The following CACNA1C variants were observed in gnomAD, a reference collection of about 807,000 sequenced individuals.
CACNA1C encodes calcium voltage-gated channel subunit alpha1 C, also known as voltage-dependent L-type calcium channel subunit alpha-1C.
Under a neutral mutation model 229.0 loss-of-function variants are expected in CACNA1C, and 30 were observed. That is an observed-to-expected ratio of 0.13 (90% CI 0.10 to 0.18). CACNA1C has a LOEUF of 0.18. CACNA1C is among the 10% of genes least tolerant of loss of function. CACNA1C has a pLI of 1.00. For synonymous variants in CACNA1C, 1,114 were observed against 1,132.5 expected, an observed-to-expected ratio of 0.98 and a Z score of 0.33; for missense variants, 1,658 against 2,845.0, an observed-to-expected ratio of 0.58 and a Z score of 9.49.
At chr12:2,396,760 A>C (rs986962199) in intron 3 of CACNA1C, among the ~76,000 whole-genome samples, 1 of 152,258 alleles carries the variant, frequency 6.6e-6, no homozygotes, top group African/African-American at 2.4e-5. Flanking sequence ...TTAATGTTTC[A>C]TTAGCGGTTT....
At chr12:2,477,537 C>T (rs2099636274) in intron 5 of CACNA1C, among the ~76,000 whole-genome samples, 2 of 152,202 alleles carry the variant, frequency 1.3e-5, no homozygotes, top group Non-Finnish European at 1.5e-5. Context: ...TGCTCTCTGG[C>T]TGGGGAGTCG....
chr12:2,460,150 C>T (rs1284849188), intron 5 of CACNA1C, among the ~76,000 whole-genome samples: 1 of 152,232 alleles, frequency 6.6e-6, no homozygotes, highest in Non-Finnish European at 1.5e-5. Flanking sequence ...CCCTCACCTT[C>T]GGTGGTAGGC....
intron 3 of CACNA1C, among the ~76,000 whole-genome samples, chr12:2,260,550 A>C (rs1444851724): frequency 6.6e-6 from 1 of 151,474 alleles, no homozygotes; most frequent in Non-Finnish European, 1.5e-5. Flanking sequence ...AAAGGAGAGG[A>C]GCACAGATTG....
Position 2,585,353 on chromosome 12 carries a change from T to C in CACNA1C, c.2340-23T>C, listed in dbSNP as rs1488434344. ...TCACTCCAGTAAACAGCCATTTATT[T>C]TTTTCTGCTGCTGACTGGCCAGGAC... is the stretch of plus-strand genomic sequence containing the variant. On this transcript the variant is annotated intron_variant, in intron 16 of 46. Coordinates refer to ENST00000399655, the MANE Select transcript of CACNA1C (RefSeq NM_000719.7). This position sits in a 1 kb window ranked among gnomAD's most constrained non-coding sequence, Gnocchi z 4.1. 6.2e-7 allele frequency: 1 copy of C among 1,607,052 alleles called. No individual in the cohort carries two copies.
chr12:2,412,623 G>A (rs1264462911), intron 3 of CACNA1C, among the ~76,000 whole-genome samples: 3 of 152,158 alleles, frequency 2.0e-5, no homozygotes, highest in South Asian at 2.1e-4. Context: ...AGTCACCTCC[G>A]CTTCATAGTA....
intron 3 of CACNA1C, among the ~76,000 whole-genome samples, chr12:2,154,450 T>C (rs2095448294): frequency 6.6e-6 from 1 of 152,192 alleles, no homozygotes; most frequent in Non-Finnish European, 1.5e-5. Context: ...GCCAGCTGTG[T>C]CCAGCAGCCT....
At chr12:2,068,848 G>A (rs1027294860) in intron 1 of CACNA1C, among the ~76,000 whole-genome samples, 3 of 152,198 alleles carry the variant, frequency 2.0e-5, no homozygotes, top group African/African-American at 7.2e-5. Flanking sequence ...CTGGGTCTGG[G>A]CAACAAAAGG....
intron 3 of CACNA1C, among the ~76,000 whole-genome samples, chr12:2,265,167 T>C (rs2081881064): frequency 6.6e-6 from 1 of 152,156 alleles, no homozygotes; most frequent in African/African-American, 2.4e-5. Context: ...CTTGGCCTGC[T>C]GGGGGTGGAT....
intron 3 of CACNA1C, among the ~76,000 whole-genome samples, chr12:2,138,086 A>G (rs1219516635): frequency 6.6e-6 from 1 of 151,464 alleles, no homozygotes; most frequent in African/African-American, 2.4e-5. Context: ...AATGCATAGC[A>G]GAAATAGTGG....
intron 3 of CACNA1C, among the ~76,000 whole-genome samples, chr12:2,279,956 A>G (rs1156743412): frequency 1.3e-5 from 2 of 152,182 alleles, no homozygotes; most frequent in African/African-American, 2.4e-5. Flanking sequence ...AATCCCCTAC[A>G]GTTACTGAGG....
chr12:2,124,420 G>C (rs1029058539), intron 3 of CACNA1C, among the ~76,000 whole-genome samples: 1 of 152,122 alleles, frequency 6.6e-6, no homozygotes, highest in African/African-American at 2.4e-5. Flanking sequence ...GTATACATGT[G>C]GTCACATTCT....
At chr12:1,991,594 C>A (rs1593217293) in intron 1 of CACNA1C, 1 of 233,898 alleles carries the variant, frequency 4.3e-6, no homozygotes, top group African/African-American at 2.4e-5. Context: ...GTTGGACACT[C>A]ACAGTGCAGC....
intron 3 of CACNA1C, among the ~76,000 whole-genome samples, chr12:2,177,969 T>C (rs1386604251): frequency 6.6e-6 from 1 of 152,080 alleles, no homozygotes; most frequent in Non-Finnish European, 1.5e-5. Flanking sequence ...CCCTCTGAGA[T>C]TCCCACAAGC....
At chr12:2,655,652 T>C (rs1479964737) in intron 34 of CACNA1C, among the ~76,000 whole-genome samples, 1 of 152,226 alleles carries the variant, frequency 6.6e-6, no homozygotes, top group African/African-American at 2.4e-5. Flanking sequence ...TTTGCCGTGC[T>C]GGGCGCTTAT....
intron 4 of CACNA1C, among the ~76,000 whole-genome samples, chr12:2,449,452 G>T (rs752657132): frequency 5.3e-5 from 8 of 152,214 alleles, no homozygotes. Context: ...CTCCCAGTGC[G>T]CAGGCTGGCT....
In CACNA1C at chr12:2,360,064, A is replaced by G. The variant is rs182219716; in HGVS notation, c.478-88912A>G. Among the ~76,000 whole-genome samples, 77 of 151,808 alleles carry G rather than the reference A, an allele frequency of 5.1e-4. No individual in the cohort carries two copies. The East Asian group carries it at 9.9e-3, about 20-fold the overall frequency. On this transcript the variant is annotated intron_variant, in intron 3 of 46. Transcript: ENST00000399655. ...CCAGGGACACGTAGTAAAAAATACA[A>G]TTTCGTGGGCCCTATCCAGACCTCC...
At chr12:2,005,226 T>A (rs1418591690) in intron 1 of CACNA1C, among the ~76,000 whole-genome samples, 4 of 152,180 alleles carry the variant, frequency 2.6e-5, no homozygotes, top group African/African-American at 7.2e-5. Flanking sequence ...ATTAATTTCA[T>A]TGAAGCTTAA....
intron 3 of CACNA1C, among the ~76,000 whole-genome samples, chr12:2,233,291 T>A (rs749780333): frequency 1.3e-5 from 2 of 152,258 alleles, no homozygotes; most frequent in Non-Finnish European, 2.9e-5. Flanking sequence ...TTTCAAATTC[T>A]ATTGAATTAA....
At chr12:2,546,904 C>T (rs924922667) in intron 9 of CACNA1C, among the ~76,000 whole-genome samples, 4 of 152,170 alleles carry the variant, frequency 2.6e-5, no homozygotes, top group African/African-American at 9.7e-5. Context: ...GGTTGTTTTT[C>T]TACCTGCAGG....
Sources: gnomAD v4.1 joint callset for allele counts (sites outside exome capture counted in the v4.1 genomes callset) on GRCh38, gnomAD v4.1.1 for gene constraint, Gnocchi (gnomAD v3.1) non-coding constraint, MANE v1.5 for transcripts, NCBI Gene and HGNC (gene_info 2026-07-23, HGNC 2026-07-21) for gene names.